LRRC4C: variants seen among roughly 807,000 people sequenced by gnomAD.
LRRC4C encodes leucine-rich repeat-containing protein 4C.
LRRC4C carries 5 observed loss-of-function variants against 33.6 expected under a neutral mutation model. That is an observed-to-expected ratio of 0.15 (90% confidence interval 0.08 to 0.31). LRRC4C has a LOEUF of 0.31. LRRC4C is among the 10% of genes least tolerant of loss of function. The pLI is 1.00. For missense variants in LRRC4C, 560 were observed against 796.7 expected, an observed-to-expected ratio of 0.70 and a Z score of 3.58; for synonymous variants, 329 against 302.0, an observed-to-expected ratio of 1.09 and a Z score of -0.93.
intron 3 of LRRC4C, among the ~76,000 whole-genome samples, chr11:40,464,631 C>G (rs1484181126): frequency 1.3e-5 from 2 of 152,014 alleles, no homozygotes; most frequent in Non-Finnish European, 2.9e-5. Context: ...TGTAAGGTTT[C>G]AGGATACAAA....
chr11:40,507,319 A>T (rs753153731), intron 3 of LRRC4C, among the ~76,000 whole-genome samples: 4 of 152,194 alleles, frequency 2.6e-5, no homozygotes, highest in Non-Finnish European at 4.4e-5. Flanking sequence ...TCAATAGAAT[A>T]ATAGGCAGTG....
chr11:40,400,260 G>A (rs1949708644), intron 3 of LRRC4C, among the ~76,000 whole-genome samples: 1 of 152,130 alleles, frequency 6.6e-6, no homozygotes, highest in Non-Finnish European at 1.5e-5. Context: ...AAATTAGTCA[G>A]TGTGCAAACT....
At chr11:40,404,070 A>G (rs1352243629) in intron 3 of LRRC4C, among the ~76,000 whole-genome samples, 1 of 152,270 alleles carries the variant, frequency 6.6e-6, no homozygotes, top group East Asian at 1.9e-4. Flanking sequence ...CATGACATAC[A>G]CAGAAACTTT....
chr11:41,329,093 T>C (rs1951213272), intron 1 of LRRC4C, among the ~76,000 whole-genome samples: 1 of 152,208 alleles, frequency 6.6e-6, no homozygotes, highest in Non-Finnish European at 1.5e-5. Flanking sequence ...TAAATGTCAT[T>C]GGCCTATTTA....
chr11:41,209,864 A>G (rs1946749751), intron 1 of LRRC4C, among the ~76,000 whole-genome samples: 1 of 152,078 alleles, frequency 6.6e-6, no homozygotes, highest in Non-Finnish European at 1.5e-5. Context: ...TATATCTAGT[A>G]ATAGGGTTTA....
chr11:41,180,978 G>A lies in LRRC4C; in HGVS notation c.-495-247255C>T, dbSNP rs755700806. On this transcript the variant is annotated intron_variant, in intron 1 of 6. Transcript: ENST00000528697. ...GCGAATTCTAGTTAGACATGTATTCGTGCAGACTCAGTTACCAGTTCTCAT... is the reference window on the plus strand; with the variant it reads ...GCGAATTCTAGTTAGACATGTATTCATGCAGACTCAGTTACCAGTTCTCAT... Among the ~76,000 whole-genome samples the A allele has an allele frequency of 4.0e-5, 6 of 151,830 alleles. No homozygotes were observed. In the Middle Eastern group the frequency reaches 0.01, roughly 258 times the overall value.
At chr11:41,093,622 C>T (rs1303850200) in intron 1 of LRRC4C, among the ~76,000 whole-genome samples, 1 of 152,112 alleles carries the variant, frequency 6.6e-6, no homozygotes, top group Non-Finnish European at 1.5e-5. Flanking sequence ...CTACACTGTC[C>T]ACATATCTCT....
At chr11:41,029,782 A>G (rs151090922) in intron 1 of LRRC4C, among the ~76,000 whole-genome samples, 1 of 151,996 alleles carries the variant, frequency 6.6e-6, no homozygotes, top group Admixed American at 6.6e-5. Context: ...ATGTCAACAT[A>G]GAATATTCTA....
At chr11:41,408,839 A>G (rs567120966) in intron 1 of LRRC4C, among the ~76,000 whole-genome samples, 9 of 151,692 alleles carry the variant, frequency 5.9e-5, no homozygotes, top group South Asian at 4.2e-4. Context: ...CCAAGATTCC[A>G]CCACACGGCT....
At chr11:41,441,025 T>C (rs769046947) in intron 1 of LRRC4C, among the ~76,000 whole-genome samples, 3 of 152,162 alleles carry the variant, frequency 2.0e-5, no homozygotes, top group Non-Finnish European at 4.4e-5. Context: ...GCCAAGCCAG[T>C]CTTCTCAAGG....
chr11:40,555,814 G>A (rs1235564093), intron 3 of LRRC4C, among the ~76,000 whole-genome samples: 1 of 152,164 alleles, frequency 6.6e-6, no homozygotes, highest in African/African-American at 2.4e-5. Context: ...ATCAAGGAAA[G>A]CAACAGACAA....
chr11:41,040,664 C>T (rs1283242206), intron 1 of LRRC4C, among the ~76,000 whole-genome samples: 1 of 152,198 alleles, frequency 6.6e-6, no homozygotes, highest in Non-Finnish European at 1.5e-5. Flanking sequence ...AAAGACTTCT[C>T]AACCTGAAAC....
intron 3 of LRRC4C, among the ~76,000 whole-genome samples, chr11:40,534,143 T>C (rs1956380609): frequency 6.6e-6 from 1 of 152,162 alleles, no homozygotes; most frequent in South Asian, 2.1e-4. Flanking sequence ...ATGAGGATTA[T>C]AGTGTTTACT....
At chr11:40,461,903 T>A (rs1952415593) in intron 3 of LRRC4C, among the ~76,000 whole-genome samples, 1 of 151,594 alleles carries the variant, frequency 6.6e-6, no homozygotes, top group African/African-American at 2.4e-5. Context: ...AGTTATAAAT[T>A]ATAAAAAGTA....
intron 2 of LRRC4C, among the ~76,000 whole-genome samples, chr11:40,914,784 T>C (rs1218897779): frequency 6.6e-6 from 1 of 152,188 alleles, no homozygotes; most frequent in Non-Finnish European, 1.5e-5. Context: ...GACATGATTA[T>C]GTATCTAGAA....
rs1051564637 is a variant in LRRC4C, at chr11:40,559,185, T to A, written c.-270+88957A>T. Reference sequence around the variant, plus strand: ...TGAAAATTCGCTTGCATGCGTCTTTTTTTTTTTTTTTTTTTCTGAGGTGGG... The same window carrying A: ...TGAAAATTCGCTTGCATGCGTCTTTATTTTTTTTTTTTTTTCTGAGGTGGG... On this transcript the variant is annotated intron_variant, in intron 3 of 6. Coordinates refer to ENST00000528697, the MANE Select transcript of LRRC4C (RefSeq NM_001258419.2). Among the ~76,000 whole-genome samples, 665 of 149,956 alleles carry A rather than the reference T, an allele frequency of 4.4e-3. 20 individuals are homozygous for A. The highest frequency in any genetic ancestry group is 0.031 in the Admixed American group (468 of 14,996).
intron 3 of LRRC4C, among the ~76,000 whole-genome samples, chr11:40,340,082 C>T (rs1352724257): frequency 1.3e-5 from 2 of 151,898 alleles, no homozygotes; most frequent in Non-Finnish European, 2.9e-5. Context: ...CTATATTTTC[C>T]ATTGCTCTAG....
At chr11:40,646,751 C>T (rs1041303835) in intron 3 of LRRC4C, among the ~76,000 whole-genome samples, 5 of 152,212 alleles carry the variant, frequency 3.3e-5, no homozygotes, top group African/African-American at 1.2e-4. Flanking sequence ...GGACTACAGG[C>T]GCCCACCACC....
intron 5 of LRRC4C, among the ~76,000 whole-genome samples, chr11:40,202,071 C>T (rs1862793229): frequency 6.6e-6 from 1 of 152,056 alleles, no homozygotes; most frequent in South Asian, 2.1e-4. Flanking sequence ...AGGTGTTGAA[C>T]ACCTCTGGCC....
Sources: gnomAD v4.1 joint callset for allele counts (sites outside exome capture counted in the v4.1 genomes callset) on GRCh38, gnomAD v4.1.1 for gene constraint, MANE v1.5 for transcripts, NCBI Gene and HGNC (gene_info 2026-07-23, HGNC 2026-07-21) for gene names.